CPED1: variants seen among roughly 807,000 people sequenced by gnomAD.
CPED1 encodes cadherin-like and PC-esterase domain-containing protein 1.
In CPED1, 114 loss-of-function variants were observed where a neutral mutation model predicts 128.2. That is an observed-to-expected ratio of 0.89 (90% CI 0.76 to 1.04). The LOEUF is 1.04. CPED1 is among the 50% of genes least tolerant of loss of function. The pLI is 0.00. For synonymous variants in CPED1, 462 were observed against 426.7 expected, an observed-to-expected ratio of 1.08 and a Z score of -1.02; for missense variants, 1,211 against 1,207.1, an observed-to-expected ratio of 1.00 and a Z score of -0.05.
At chr7:121,179,343 G>A (rs1479203727) in intron 16 of CPED1, among the ~76,000 whole-genome samples, 1 of 152,056 alleles carries the variant, frequency 6.6e-6, no homozygotes, top group African/African-American at 2.4e-5. Context: ...GTGATGGTTG[G>A]AGTAAGTCAA....
chr7:121,280,145 C>T (rs1002298726), intron 22 of CPED1, among the ~76,000 whole-genome samples: 37 of 152,034 alleles, frequency 2.4e-4, no homozygotes, highest in African/African-American at 8.2e-4. Flanking sequence ...TGTTAACGTC[C>T]AATAGATTCC....
At chr7:121,080,159 T>G (rs1313917807) in intron 5 of CPED1, among the ~76,000 whole-genome samples, 1 of 152,198 alleles carries the variant, frequency 6.6e-6, no homozygotes, top group Non-Finnish European at 1.5e-5. Context: ...GTATACCATA[T>G]TTTTACTTTG....
At chr7:121,174,104 A>G (rs889034633) in intron 16 of CPED1, among the ~76,000 whole-genome samples, 10 of 151,988 alleles carry the variant, frequency 6.6e-5, no homozygotes, top group African/African-American at 2.2e-4. Context: ...TAAGTTCCTT[A>G]TAGATGCTGG....
intron 3 of CPED1, among the ~76,000 whole-genome samples, chr7:121,039,469 A>G (rs1250349108): frequency 6.6e-6 from 1 of 152,084 alleles, no homozygotes; most frequent in Non-Finnish European, 1.5e-5. Context: ...TTTATTGGAG[A>G]ATGGTATTAT....
intron 2 of CPED1, among the ~76,000 whole-genome samples, chr7:121,010,277 A>G (rs1792125778): frequency 6.6e-6 from 1 of 152,106 alleles, no homozygotes; most frequent in Admixed American, 6.6e-5. Context: ...TTCTTGAGAC[A>G]GTCTCGCTCT....
chr7:121,230,489 A>C (rs1798110610), intron 16 of CPED1, among the ~76,000 whole-genome samples: 1 of 152,090 alleles, frequency 6.6e-6, no homozygotes, highest in Admixed American at 6.6e-5. Context: ...GTCCAGAATT[A>C]GACATTTGCA....
intron 22 of CPED1, among the ~76,000 whole-genome samples, chr7:121,276,161 G>A (rs1357754): frequency 0.11 from 17,150 of 151,992 alleles, 3,211 homozygotes; most frequent in African/African-American, 0.39. Context: ...TAGGACTCCC[G>A]TAAGTATCTC....
At chr7:121,216,790 C>G (rs1797769151) in intron 16 of CPED1, among the ~76,000 whole-genome samples, 1 of 152,016 alleles carries the variant, frequency 6.6e-6, no homozygotes, top group Non-Finnish European at 1.5e-5. Flanking sequence ...AACTCTCATT[C>G]AGATAAGAAA....
intron 2 of CPED1, among the ~76,000 whole-genome samples, chr7:121,008,391 C>G (rs557388370): frequency 6.6e-6 from 1 of 152,106 alleles, no homozygotes; most frequent in Non-Finnish European, 1.5e-5. Context: ...TCCTATCTGA[C>G]GCTATTTGCC....
At chr7:121,019,518 G>T (rs1792384328) in intron 3 of CPED1, among the ~76,000 whole-genome samples, 2 of 152,008 alleles carry the variant, frequency 1.3e-5, no homozygotes, top group African/African-American at 4.8e-5. Flanking sequence ...TGTTCTGAGG[G>T]ACATATTATT....
chr7:121,061,516 T>TG (rs111706644), intron 4 of CPED1, among the ~76,000 whole-genome samples: 3 of 152,184 alleles, frequency 2.0e-5, no homozygotes, highest in African/African-American at 7.2e-5. Flanking sequence ...CCCACTCTGG[T>TG]GGGGGATGTT....
intron 16 of CPED1, among the ~76,000 whole-genome samples, chr7:121,168,012 C>T (rs1192003527): frequency 2.6e-5 from 4 of 152,116 alleles, no homozygotes; most frequent in Admixed American, 6.5e-5. Flanking sequence ...AGATTACAGG[C>T]GTGAGCCACC....
At chr7:121,117,020 A>G (rs1005531270) in intron 7 of CPED1, among the ~76,000 whole-genome samples, 4 of 147,740 alleles carry the variant, frequency 2.7e-5, no homozygotes, top group Admixed American at 1.4e-4. Context: ...ATATATATAC[A>G]CACATTATAT....
intron 3 of CPED1, among the ~76,000 whole-genome samples, chr7:121,019,140 C>T (rs767923399): frequency 6.6e-5 from 10 of 151,930 alleles, no homozygotes; most frequent in South Asian, 2.1e-4. Context: ...TAGGCAGTTT[C>T]GAGTCCTACA....
Position 121,046,965 on chromosome 7 carries a change from T to C in CPED1, c.512T>C (p.Val171Ala), listed in dbSNP as rs1359215394. The C allele has an allele frequency of 6.2e-7, 1 of 1,612,440 alleles. No homozygotes were observed. The highest frequency in any genetic ancestry group is 8.5e-7 in the Non-Finnish European group (1 of 1,178,912). The change falls in exon 4 of 23, where the codon GTC (valine) becomes GCC (alanine). Residue 171 changes from valine to alanine, a missense_variant. Transcript: ENST00000310396. The part of the protein sequence containing the change: ...AEGTPCISKE[V>A]MCQLGLHQKA... ...GGAACACCCTGTATATCCAAGGAAG[T>C]CATGTGCCAGTTAGGTTTACATCAA...
chr7:121,026,432 T>G (rs1293328186), intron 3 of CPED1, among the ~76,000 whole-genome samples: 1 of 152,094 alleles, frequency 6.6e-6, no homozygotes, highest in Non-Finnish European at 1.5e-5. Flanking sequence ...TATTAAACAC[T>G]CCCCTATTGT....
In CPED1 at chr7:121,085,874, G is replaced by A. The variant is rs569368561; in HGVS notation, c.617-11825G>A. 2.7e-4 allele frequency among the ~76,000 whole-genome samples: 41 copies of A among 152,260 alleles called. No individual in the cohort carries two copies. In the South Asian group the frequency reaches 8.1e-3, roughly 30 times the overall value. ...GTCATGGTGTGTTTAGTACCCCTGG[G>A]TTTTAACAATGTCCCGACTGAGCCT... On this transcript the variant is annotated intron_variant, in intron 5 of 22. Transcript: ENST00000310396.
chr7:121,024,656 A>T (rs1449587443), intron 3 of CPED1, among the ~76,000 whole-genome samples: 1 of 152,210 alleles, frequency 6.6e-6, no homozygotes, highest in Non-Finnish European at 1.5e-5. Flanking sequence ...TTTGATAAGT[A>T]ATTTACTTCA....
In CPED1 at chr7:121,128,365, T is replaced by C. The variant is rs1237406286; in HGVS notation, c.1303-17T>C. The C allele has an allele frequency of 1.5e-6, 2 of 1,367,556 alleles. No individual in the cohort carries two copies. The highest frequency in any genetic ancestry group is 1.2e-5 in the South Asian group (1 of 85,218). The allele number at this position is 1,367,556 out of a possible 1,614,324, so 84.7% of individuals were successfully genotyped here. A position where few individuals can be genotyped will look rare whatever the true frequency, so the allele number is the denominator to read the frequency against. ...CTTTTTAACAATTGCTTAAGTTCTT[T>C]CCCCCTACCAATACAGGGTGAAAAC... On this transcript the variant is annotated splice_polypyrimidine_tract_variant and intron_variant, in intron 10 of 22. Coordinates refer to ENST00000310396, the MANE Select transcript of CPED1 (RefSeq NM_024913.5).
Sources: allele counts gnomAD v4.1 joint callset (sites outside exome capture counted in the v4.1 genomes callset), GRCh38; gene constraint gnomAD v4.1.1; transcripts MANE v1.5; gene names NCBI Gene and HGNC (gene_info 2026-07-23, HGNC 2026-07-21).